The following PACC1 variants were observed in gnomAD, a reference collection of about 807,000 sequenced individuals.
The protein encoded by PACC1 is proton activated chloride channel 1.
In PACC1, 34 loss-of-function variants were observed where a neutral mutation model predicts 39.7. The observed-to-expected ratio is 0.86, with a 90% CI of 0.65 to 1.14. The LOEUF is 1.14. Among genes scored for constraint, PACC1 ranks in the 50% most tolerant of loss-of-function variants. The pLI is 0.00. For synonymous variants in PACC1, 127 were observed against 160.6 expected, an observed-to-expected ratio of 0.79 and a Z score of 1.58; for missense variants, 379 against 436.4, an observed-to-expected ratio of 0.87 and a Z score of 1.17.
chr1:212,408,487 A>G (rs1012944162), intron 2 of PACC1, among the ~76,000 whole-genome samples: 1 of 151,836 alleles, frequency 6.6e-6, no homozygotes, highest in Non-Finnish European at 1.5e-5. Context: ...CAGCCTCCCA[A>G]GTAGCTGAGA....
At chr1:212,394,341 G>A (rs542293464) in intron 2 of PACC1, among the ~76,000 whole-genome samples, 17 of 152,300 alleles carry the variant, frequency 1.1e-4, no homozygotes, top group East Asian at 9.6e-4. Flanking sequence ...AAAACCACAT[G>A]ATTATCTCAA....
intron 2 of PACC1, among the ~76,000 whole-genome samples, chr1:212,403,257 T>C (rs1661780309): frequency 6.6e-6 from 1 of 152,254 alleles, no homozygotes; most frequent in South Asian, 2.1e-4. Context: ...TTTACAACCC[T>C]GCACGTTTGG....
chr1:212,381,965 G>A (rs1396224507), intron 4 of PACC1, among the ~76,000 whole-genome samples: 1 of 152,164 alleles, frequency 6.6e-6, no homozygotes, highest in East Asian at 1.9e-4. Flanking sequence ...CATTGTATTT[G>A]CAGGTTTTGT....
In PACC1 at chr1:212,381,694, T is replaced by TACACACACACACACACAC. The variant is rs747376806; in HGVS notation, c.496-1658_496-1657insGTGTGTGTGTGTGTGTGT. Among the ~76,000 whole-genome samples, 18 of 78,576 alleles carry TACACACACACACACACAC rather than the reference T, an allele frequency of 2.3e-4. 1 individual carries two copies. Among genetic ancestry groups the TACACACACACACACACAC allele is most frequent in the Admixed American group, 1.9e-3 (15 of 7,808 alleles). 51.5% of individuals were successfully genotyped at this position (78,576 alleles called of 152,430 possible). A position where few individuals can be genotyped will look rare whatever the true frequency, so the allele number is the denominator to read the frequency against. ...TGTGCACAGACACACACACACACACTGCACACACACACACACACACACACA... is the reference window on the plus strand; with the variant it reads ...TGTGCACAGACACACACACACACACTACACACACACACACACACGCACACACACACACACACACACACA... On this transcript the variant is annotated intron_variant, in intron 4 of 7. Transcript: ENST00000261455.
intron 5 of PACC1, among the ~76,000 whole-genome samples, chr1:212,378,203 A>G (rs1339546734): frequency 2.6e-5 from 4 of 152,224 alleles, no homozygotes; most frequent in Admixed American, 2.6e-4. Flanking sequence ...CTACAGCATC[A>G]GCCCCAAGAC....
At chr1:212,399,906 G>A (rs966598661) in intron 2 of PACC1, among the ~76,000 whole-genome samples, 1 of 151,820 alleles carries the variant, frequency 6.6e-6, no homozygotes, top group East Asian at 1.9e-4. Context: ...GTGCAATGGT[G>A]CAATCTTGGT....
At chr1:212,411,199 T>A (rs978743766) in intron 1 of PACC1, among the ~76,000 whole-genome samples, 1 of 152,178 alleles carries the variant, frequency 6.6e-6, no homozygotes, top group Non-Finnish European at 1.5e-5. Context: ...GGGAAAGATA[T>A]GGCAGGAGTA....
At chr1:212,394,286 T>C (rs983518395) in intron 2 of PACC1, among the ~76,000 whole-genome samples, 13 of 152,082 alleles carry the variant, frequency 8.5e-5, no homozygotes, top group African/African-American at 2.7e-4. Flanking sequence ...GTTCAACATA[T>C]GCAAATCAAT....
At chr1:212,392,732 T>A (rs972383547) in intron 2 of PACC1, among the ~76,000 whole-genome samples, 71 of 151,846 alleles carry the variant, frequency 4.7e-4, no homozygotes, top group African/African-American at 1.4e-3. Context: ...AATAAAGGGA[T>A]GGAGGAAGAT....
intron 7 of PACC1, among the ~76,000 whole-genome samples, chr1:212,373,087 A>G (rs1660518802): frequency 1.3e-5 from 2 of 152,206 alleles, no homozygotes; most frequent in Admixed American, 6.5e-5. Flanking sequence ...AAGGCATCAC[A>G]CTACCTGACT....
intron 2 of PACC1, among the ~76,000 whole-genome samples, chr1:212,401,964 C>T (rs1300975206): frequency 5.9e-5 from 9 of 152,130 alleles, no homozygotes; most frequent in African/African-American, 1.2e-4. Context: ...CATGAGCCAC[C>T]GCACCCAGCC....
At chr1:212,395,315 T>C (rs1482023307) in intron 2 of PACC1, among the ~76,000 whole-genome samples, 1 of 152,038 alleles carries the variant, frequency 6.6e-6, no homozygotes, top group Non-Finnish European at 1.5e-5. Context: ...TTGACAAACC[T>C]GACAAAAACA....
chr1:212,379,870 C>A (rs1436529621), intron 5 of PACC1, 25 bp downstream of exon 5: 2 of 1,613,484 alleles, frequency 1.2e-6, no homozygotes, highest in African/African-American at 2.7e-5. Context: ...AGACAGTAAG[C>A]CCACTGTGAA....
chr1:212,390,231 T>C (rs934785058), intron 2 of PACC1, among the ~76,000 whole-genome samples: 15 of 151,860 alleles, frequency 9.9e-5, no homozygotes, highest in Non-Finnish European at 1.8e-4. Context: ...GAAACCATCC[T>C]GGCCAATGTG....
chr1:212,384,765 C>T (rs891556296), intron 4 of PACC1, among the ~76,000 whole-genome samples: 5 of 152,220 alleles, frequency 3.3e-5, no homozygotes, highest in African/African-American at 4.8e-5. Context: ...GTGTTGTGCA[C>T]GACAGCATGG....
intron 2 of PACC1, among the ~76,000 whole-genome samples, chr1:212,408,192 C>T (rs1207250679): frequency 6.6e-6 from 1 of 152,064 alleles, no homozygotes; most frequent in Non-Finnish European, 1.5e-5. Context: ...ACTCAACCTC[C>T]CTGAGGTTGG....
chr1:212,389,196 A>G (rs1413486440), intron 2 of PACC1, among the ~76,000 whole-genome samples: 1 of 152,216 alleles, frequency 6.6e-6, no homozygotes, highest in African/African-American at 2.4e-5. Flanking sequence ...TGACAGGGAC[A>G]AAGTTCAGGG....
intron 2 of PACC1, among the ~76,000 whole-genome samples, chr1:212,399,013 G>A (rs147939902): frequency 6.6e-6 from 1 of 152,212 alleles, no homozygotes; most frequent in African/African-American, 2.4e-5. Context: ...TATTTAGCTT[G>A]GAAGGTACAA....
chr1:212,365,523 T>C lies in PACC1; in HGVS notation c.892-147A>G, dbSNP rs1276792808. ...TCGGCTCAGTGCAAGCTCCGCTTCC[T>C]GGGTTCAAGCAATTCTCCTGCCTCA... On this transcript the variant is annotated intron_variant, in intron 7 of 7. Transcript: ENST00000261455. The C allele has an allele frequency of 4.9e-6, 4 of 810,742 alleles. No individual in the cohort carries two copies. The African/African-American group carries it at 5.4e-5, about 11-fold the overall frequency. 50.2% of individuals were successfully genotyped at this position (810,742 alleles called of 1,614,324 possible).
Sources: gnomAD v4.1 joint callset for allele counts (sites outside exome capture counted in the v4.1 genomes callset) on GRCh38, gnomAD v4.1.1 for gene constraint, MANE v1.5 for transcripts, NCBI Gene and HGNC (gene_info 2026-07-23, HGNC 2026-07-21) for gene names.